The following HNF1B variants were observed in gnomAD, a reference collection of about 807,000 sequenced individuals.
HNF1B encodes the protein hepatocyte nuclear factor 1-beta.
In HNF1B, 8 loss-of-function variants were observed where a neutral mutation model predicts 61.7. That is an observed-to-expected ratio of 0.13 (90% CI 0.08 to 0.23). The LOEUF is 0.23. HNF1B is among the 10% of genes least tolerant of loss of function. The pLI, the probability that HNF1B is intolerant of heterozygous loss-of-function variation, is 1.00. For synonymous variants in HNF1B, 314 were observed against 287.7 expected, an observed-to-expected ratio of 1.09 and a Z score of -0.93; for missense variants, 562 against 714.5, an observed-to-expected ratio of 0.79 and a Z score of 2.43.
Position 37,704,944 on chromosome 17 carries a change from G to A in HNF1B, c.1312C>T (p.Leu438Phe). 1.2e-6 allele frequency: 2 copies of A among 1,614,088 alleles called. No individual in the cohort carries two copies. Among genetic ancestry groups the A allele is most frequent in the South Asian group, 1.1e-5 (1 of 91,080 alleles). The part of the protein sequence containing the change: ...QQSQNLIMTP[L>F]SGVMAIAQSL... Reference sequence around the variant, plus strand: ...TGTGCAATTGCCATGACTCCAGAGAGGGGTGTCATGATGAGGTTTTGAGAT... The same window carrying A: ...TGTGCAATTGCCATGACTCCAGAGAAGGGTGTCATGATGAGGTTTTGAGAT... Residue 438 changes from leucine to phenylalanine, a missense_variant, in exon 6 of 9, where the codon CTC (leucine) becomes TTC (phenylalanine). Around this residue, in one of 6 missense-constraint regions of HNF1B, gnomAD observed 211 missense variants for 200.7 expected, o/e 1.05. Coordinates refer to ENST00000617811, the MANE Select transcript of HNF1B (RefSeq NM_000458.4).
At chr17:37,702,908 C>A (rs1455700871) in intron 6 of HNF1B, among the ~76,000 whole-genome samples, 1 of 152,186 alleles carries the variant, frequency 6.6e-6, no homozygotes, top group Non-Finnish European at 1.5e-5. Context: ...TAAGTCTTGA[C>A]CTTTTCATCT....
At chr17:37,734,789 C>CT (rs67472247) in intron 2 of HNF1B, among the ~76,000 whole-genome samples, 65,225 of 140,640 alleles carry the variant, frequency 0.46, 15,462 homozygotes, top group Middle Eastern at 0.58. Flanking sequence ...ATCTTAATAT[C>CT]TTTTTTTTTT....
intron 5 of HNF1B, among the ~76,000 whole-genome samples, chr17:37,709,977 G>A (rs556274441): frequency 6.6e-6 from 1 of 152,238 alleles, no homozygotes; most frequent in Non-Finnish European, 1.5e-5. Context: ...TGTGATCTTC[G>A]CTGTCATGGT....
chr17:37,698,529 C>T (rs1843552335), intron 8 of HNF1B, among the ~76,000 whole-genome samples: 1 of 152,150 alleles, frequency 6.6e-6, no homozygotes. Flanking sequence ...TGGATGCTTA[C>T]CCCTGGAAAA....
rs1415541849 is a variant in HNF1B at position 37,699,214 on chromosome 17, A to T, written c.1535-20T>A. 6.3e-7 allele frequency: 1 copy of T among 1,591,946 alleles called. No individual in the cohort carries two copies. Among genetic ancestry groups the T allele is most frequent in the Non-Finnish European group, 8.6e-7 (1 of 1,159,792 alleles). ...CGTACACTGGAGAGACAGAGTGAAG[A>T]CAGAATCAAGGTGCATACACAGGCA... is the stretch of plus-strand genomic sequence containing the variant. On this transcript the variant is annotated intron_variant, in intron 7 of 8. Transcript: ENST00000617811.
chr17:37,708,644 T>A (rs1467007588), intron 5 of HNF1B, among the ~76,000 whole-genome samples: 1 of 152,158 alleles, frequency 6.6e-6, no homozygotes, highest in Admixed American at 6.5e-5. Flanking sequence ...TAACCCTAAC[T>A]TGTTTGGGAC....
intron 4 of HNF1B, 81 bp downstream of exon 4, chr17:37,731,514 A>C (rs2033681321): frequency 1.7e-6 from 2 of 1,201,402 alleles, no homozygotes; most frequent in Admixed American, 3.9e-5. Context: ...GCTCCTCTGA[A>C]AACCCTTAAA....
At position 37,744,776 on chromosome 17, in the gene HNF1B, G is replaced by A; in HGVS notation, c.109C>T (p.Pro37Ser). Residue 37 changes from proline (P) to serine (S), a missense_variant, in exon 1 of 9, where the codon CCG (proline) becomes TCG (serine). Pro to Ser is a moderately conservative substitution (Grantham distance 74, BLOSUM62 -1). This residue lies in a region of HNF1B where 148 missense variants were observed against 147.3 expected (regional missense o/e 1.00). Transcript: ENST00000617811. ...VQALEELLPS[P>S]NFGVKLETLP... The stretch of plus-strand genomic sequence containing the variant: ...GTCTCCAGCTTCACCCCGAAGTTCG[G>A]GGATGGCAGCAACTCCTCCAAGGCC... 6.2e-7 allele frequency: 1 copy of A among 1,613,606 alleles called. No homozygotes were observed. The highest frequency in any genetic ancestry group is 8.5e-7 in the Non-Finnish European group (1 of 1,180,038).
chr17:37,741,874 A>C (rs1051101358), intron 1 of HNF1B, among the ~76,000 whole-genome samples: 4 of 152,230 alleles, frequency 2.6e-5, no homozygotes, highest in Non-Finnish European at 5.9e-5. Context: ...AAATAATGGC[A>C]AAACCTTTTA....
chr17:37,701,417 A>G (rs1189619641), intron 6 of HNF1B, among the ~76,000 whole-genome samples: 1 of 152,206 alleles, frequency 6.6e-6, no homozygotes, highest in East Asian at 1.9e-4. Context: ...AAAGCCTGAG[A>G]GTCTCCCAGA....
chr17:37,735,300 C>T (rs1045669742), intron 2 of HNF1B, among the ~76,000 whole-genome samples: 1 of 152,216 alleles, frequency 6.6e-6, no homozygotes, highest in Non-Finnish European at 1.5e-5. Flanking sequence ...CCAAGTGGCC[C>T]TCCAGGCTAT....
chr17:37,740,687 T>C (rs2033967463), intron 1 of HNF1B, among the ~76,000 whole-genome samples: 2 of 151,980 alleles, frequency 1.3e-5, no homozygotes, highest in African/African-American at 4.8e-5. Context: ...TCTACTGGGC[T>C]AATGGGGACA....
intron 4 of HNF1B, among the ~76,000 whole-genome samples, chr17:37,717,580 G>C (rs563184196): frequency 1.3e-5 from 2 of 152,318 alleles, no homozygotes; most frequent in East Asian, 3.9e-4. Context: ...GACAGGGAGA[G>C]ACTGGGCCAG....
intron 2 of HNF1B, among the ~76,000 whole-genome samples, chr17:37,735,711 A>G (rs983767019): frequency 6.6e-6 from 1 of 151,942 alleles, no homozygotes; most frequent in Non-Finnish European, 1.5e-5. Context: ...TAGAATATCT[A>G]CCCCTAGTCA....
chr17:37,687,534 T>C (rs917097445), intron 8 of HNF1B, 142 bp from the exon 9 acceptor site: 4 of 733,728 alleles, frequency 5.5e-6, no homozygotes, highest in African/African-American at 1.7e-5. Context: ...TCGTGTCTGC[T>C]CAGTTCTGCA....
intron 8 of HNF1B, 82 bp downstream of exon 8, chr17:37,698,994 A>G (rs529410584): frequency 1.9e-6 from 2 of 1,038,320 alleles, no homozygotes; most frequent in African/African-American, 1.6e-5. Context: ...GGCCGAGTCC[A>G]TGCTTGCCAC....
chr17:37,731,198 G>A (rs539715884), intron 4 of HNF1B: 24 of 322,686 alleles, frequency 7.4e-5, no homozygotes, highest in African/African-American at 2.3e-4. Context: ...GGAGGTGGCC[G>A]GAGTGCCATC....
chr17:37,743,421 T>G (rs983783769), intron 1 of HNF1B, among the ~76,000 whole-genome samples: 2 of 152,142 alleles, frequency 1.3e-5, no homozygotes, highest in African/African-American at 4.8e-5. Flanking sequence ...TATACCAAAG[T>G]GTGTTTGGGG....
At chr17:37,736,589 C>T (rs935729219) in intron 2 of HNF1B, among the ~76,000 whole-genome samples, 3 of 152,144 alleles carry the variant, frequency 2.0e-5, no homozygotes, top group Non-Finnish European at 4.4e-5. Context: ...TCACTAAAAA[C>T]AAAACCCAAG....
Sources: gnomAD v4.1 joint callset for allele counts (sites outside exome capture counted in the v4.1 genomes callset) on GRCh38, gnomAD v4.1.1 for gene constraint, gnomAD v4.1.1 regional missense constraint, MANE v1.5 for transcripts, NCBI Gene and HGNC (gene_info 2026-07-23, HGNC 2026-07-21) for gene names.